The following PRKD1 variants were observed in gnomAD, a reference collection of about 807,000 sequenced individuals.
PRKD1 encodes the protein protein kinase D1.
Under a neutral mutation model 95.9 loss-of-function variants are expected in PRKD1, and 63 were observed. The observed-to-expected ratio is 0.66, with a 90% CI of 0.54 to 0.81. PRKD1 has a LOEUF of 0.81. Among genes scored for constraint, PRKD1 ranks in the 30% least tolerant of loss-of-function variants. The pLI, the probability that PRKD1 is intolerant of heterozygous loss-of-function variation, is 0.00. For synonymous variants in PRKD1, 425 were observed against 423.1 expected (o/e 1.00, Z -0.05); for missense variants, 1,048 against 1,165.3 (o/e 0.90, Z 1.47).
intron 1 of PRKD1, among the ~76,000 whole-genome samples, chr14:29,816,023 T>C (rs566324293): frequency 6.6e-6 from 1 of 151,962 alleles, no homozygotes; most frequent in East Asian, 1.9e-4. Context: ...ATCGAGACCA[T>C]CCTGGCCAAC....
chr14:29,747,391 G>C (rs968133346), intron 1 of PRKD1, among the ~76,000 whole-genome samples: 2 of 151,942 alleles, frequency 1.3e-5, no homozygotes, highest in African/African-American at 4.8e-5. Flanking sequence ...ATAATTTGTT[G>C]GTTTCTCAAA....
intron 1 of PRKD1, among the ~76,000 whole-genome samples, chr14:29,801,452 A>G (rs575928668): frequency 5.1e-4 from 77 of 152,346 alleles, no homozygotes; most frequent in African/African-American, 1.8e-3. Context: ...ATGAATAAGC[A>G]GTAGGGAAAA....
intron 2 of PRKD1, among the ~76,000 whole-genome samples, chr14:29,694,961 G>A (rs1229566703): frequency 3.9e-5 from 6 of 152,224 alleles, no homozygotes; most frequent in East Asian, 1.9e-4. Flanking sequence ...GGCCAGGCAC[G>A]GTGGCTCACA....
intron 4 of PRKD1, among the ~76,000 whole-genome samples, chr14:29,640,591 A>C (rs1365688361): frequency 6.6e-6 from 1 of 152,354 alleles, no homozygotes; most frequent in South Asian, 2.1e-4. Context: ...CCAAACCAGA[A>C]TCATGAATAT....
chr14:29,682,692 G>A (rs1256455103), intron 2 of PRKD1, among the ~76,000 whole-genome samples: 1 of 152,038 alleles, frequency 6.6e-6, no homozygotes, highest in Non-Finnish European at 1.5e-5. Flanking sequence ...CCTAATAGAA[G>A]ATAAAAAAAT....
At chr14:29,923,843 T>C (rs896529912) in intron 1 of PRKD1, among the ~76,000 whole-genome samples, 1 of 150,330 alleles carries the variant, frequency 6.7e-6, no homozygotes, top group Non-Finnish European at 1.5e-5. Context: ...TATGTGTGTG[T>C]GTTTGTGTGT....
At chr14:29,717,174 C>A (rs1885651019) in intron 2 of PRKD1, among the ~76,000 whole-genome samples, 1 of 152,038 alleles carries the variant, frequency 6.6e-6, no homozygotes, top group African/African-American at 2.4e-5. Context: ...AGGATTCATT[C>A]TTTCACTCAA....
chr14:29,749,685 G>A (rs1419041064), intron 1 of PRKD1, among the ~76,000 whole-genome samples: 2 of 152,102 alleles, frequency 1.3e-5, no homozygotes, highest in Non-Finnish European at 2.9e-5. Context: ...CATCTGTAAA[G>A]TTATTAGTAC....
chr14:29,855,527 G>A (rs1464492062), intron 1 of PRKD1, among the ~76,000 whole-genome samples: 1 of 152,176 alleles, frequency 6.6e-6, no homozygotes, highest in Admixed American at 6.5e-5. Context: ...TGAGACTTTG[G>A]ACTGTGAACT....
At chr14:29,806,542 T>C (rs1042278571) in intron 1 of PRKD1, among the ~76,000 whole-genome samples, 1 of 152,108 alleles carries the variant, frequency 6.6e-6, no homozygotes, top group Admixed American at 6.5e-5. Flanking sequence ...ACATTACAGG[T>C]CAGGCAGAAC....
chr14:29,896,116 A>G lies in PRKD1; in HGVS notation c.264+31133T>C, dbSNP rs373784927. Among the ~76,000 whole-genome samples, 12 of 152,344 alleles carry G rather than the reference A, an allele frequency of 7.9e-5. No individual in the cohort carries two copies. The East Asian group carries it at 1.2e-3, about 15-fold the overall frequency. On this transcript the variant is annotated intron_variant, in intron 1 of 17. Coordinates refer to ENST00000331968, the MANE Select transcript of PRKD1 (RefSeq NM_002742.3). ...ATTTGTAGAACAAATGAGTGAATAA[A>G]TAAATTAAGGACTAAGTATTATCCA...
rs139235559 is a variant in PRKD1 at position 29,856,748 on chromosome 14, G to T, written c.264+70501C>A. 2.3e-4 allele frequency among the ~76,000 whole-genome samples: 35 copies of T among 152,208 alleles called. No homozygotes were observed. The East Asian group carries it at 5.8e-3, about 25-fold the overall frequency. On this transcript the variant is annotated intron_variant, in intron 1 of 17. Transcript: ENST00000331968. Reference sequence around the variant, plus strand: ...GCTGAAGTTTGGGTACCTAAAATAGGAACAGACTCCCGGGCACATCTCTGA... The same window carrying T: ...GCTGAAGTTTGGGTACCTAAAATAGTAACAGACTCCCGGGCACATCTCTGA...
At chr14:29,842,091 T>C (rs1450200320) in intron 1 of PRKD1, among the ~76,000 whole-genome samples, 7 of 152,154 alleles carry the variant, frequency 4.6e-5, no homozygotes, top group Admixed American at 4.6e-4. Flanking sequence ...CTGGAATGTA[T>C]TTGGGGACAA....
chr14:29,779,363 G>C (rs1017373695), intron 1 of PRKD1, among the ~76,000 whole-genome samples: 7 of 152,150 alleles, frequency 4.6e-5, no homozygotes, highest in African/African-American at 1.7e-4. Context: ...GTTTTCAGAT[G>C]ACATGATTTT....
intron 1 of PRKD1, among the ~76,000 whole-genome samples, chr14:29,830,299 T>C (rs1451162625): frequency 6.6e-6 from 1 of 152,120 alleles, no homozygotes; most frequent in Non-Finnish European, 1.5e-5. Context: ...TTCCCCACCC[T>C]CTATCCCAGA....
At chr14:29,891,148 T>C (rs1433221973) in intron 1 of PRKD1, among the ~76,000 whole-genome samples, 1 of 152,216 alleles carries the variant, frequency 6.6e-6, no homozygotes, top group African/African-American at 2.4e-5. Flanking sequence ...AAAGGACAGC[T>C]ATGTAATAGG....
At chr14:29,720,596 A>T (rs1334186502) in intron 2 of PRKD1, among the ~76,000 whole-genome samples, 1 of 151,994 alleles carries the variant, frequency 6.6e-6, no homozygotes, top group Non-Finnish European at 1.5e-5. Flanking sequence ...CCTGGCCAAT[A>T]CAGTGAAACC....
intron 1 of PRKD1, among the ~76,000 whole-genome samples, chr14:29,875,319 T>A (rs1893248566): frequency 6.6e-6 from 1 of 152,112 alleles, no homozygotes; most frequent in Non-Finnish European, 1.5e-5. Flanking sequence ...TGTAAAAAAA[T>A]GCTTATAAAA....
intron 16 of PRKD1, among the ~76,000 whole-genome samples, chr14:29,590,041 T>C (rs1282257563): frequency 6.6e-6 from 1 of 152,180 alleles, no homozygotes; most frequent in Non-Finnish European, 1.5e-5. Flanking sequence ...CAGTCAATGA[T>C]GAGATAAGTA....
Sources: allele counts gnomAD v4.1 joint callset (sites outside exome capture counted in the v4.1 genomes callset), GRCh38; gene constraint gnomAD v4.1.1; transcripts MANE v1.5; gene names NCBI Gene and HGNC (gene_info 2026-07-23, HGNC 2026-07-21).